The following FBN1 variants were observed in gnomAD, a reference collection of about 807,000 sequenced individuals.
FBN1 encodes fibrillin 1, also known as fibrillin-1.
Under a neutral mutation model 365.1 loss-of-function variants are expected in FBN1, and 29 were observed. The observed-to-expected ratio is 0.08, with a 90% CI of 0.06 to 0.11. The LOEUF (loss-of-function observed/expected upper bound fraction) is 0.11, where lower values mean the gene tolerates loss of function less well. FBN1 is among the 10% of genes least tolerant of loss of function. The pLI is 1.00. For synonymous variants in FBN1, 1,210 were observed against 1,270.5 expected (o/e 0.95, Z 1.01); for missense variants, 2,476 against 3,703.2 (o/e 0.67, Z 8.60).
At chr15:48,490,171 T>G in intron 24 of FBN1, 93 bp from the exon 25 acceptor site, 1 of 1,066,350 alleles carries the variant, frequency 9.4e-7, no homozygotes, top group Non-Finnish European at 1.4e-6. Context: ...ACTGCACACA[T>G]AATAATTTGC....
At chr15:48,487,514 TTGCTGGGTGTCCATCTTGACCTCC>T in intron 27 of FBN1, 77 bp from the exon 28 acceptor site, 1 of 1,578,038 alleles carries the variant, frequency 6.3e-7, no homozygotes, top group Non-Finnish European at 8.6e-7. Context: ...CCCCCACCCA[TTGCTGGGTGTCCATCTTGACCTCC>T]TTGTCTCAAG....
At chr15:48,441,970 T>C in intron 49 of FBN1, 124 bp from the exon 50 acceptor site, 1 of 1,019,688 alleles carries the variant, frequency 9.8e-7, no homozygotes, top group Non-Finnish European at 1.5e-6. Flanking sequence ...ATAAAGGTAT[T>C]TTTCTGTACC....
chr15:48,430,538 A>G, intron 56 of FBN1, 133 bp downstream of exon 56: 1 of 915,624 alleles, frequency 1.1e-6, no homozygotes, highest in South Asian at 1.4e-5. Flanking sequence ...CACCATGGAG[A>G]GTCCTGACAT....
At chr15:48,524,100 T>A (rs1166649130) in intron 9 of FBN1, among the ~76,000 whole-genome samples, 2 of 152,148 alleles carry the variant, frequency 1.3e-5, no homozygotes, top group Admixed American at 6.5e-5. Flanking sequence ...GGAAAGGACA[T>A]CTTTATGACT....
At chr15:48,480,400 G>A (rs1597558072) in intron 32 of FBN1, among the ~76,000 whole-genome samples, 1 of 152,100 alleles carries the variant, frequency 6.6e-6, no homozygotes, top group Admixed American at 6.5e-5. Context: ...TACAAAGCTA[G>A]GCACCATTTG....
chr15:48,428,560 C>T, intron 56 of FBN1, 89 bp from the exon 57 acceptor site: 2 of 1,411,912 alleles, frequency 1.4e-6, no homozygotes, highest in Non-Finnish European at 2.0e-6. Context: ...TCCTTCCTTC[C>T]TCCCTCCCTC....
intron 49 of FBN1, among the ~76,000 whole-genome samples, 162 bp downstream of exon 49, chr15:48,444,379 T>C (rs1399579342): frequency 2.0e-5 from 3 of 152,236 alleles, no homozygotes; most frequent in Non-Finnish European, 4.4e-5. Flanking sequence ...TAATTAGTGC[T>C]TCTTGTCTTG....
rs755147629 is a variant in FBN1 at position 48,410,550 on chromosome 15, C to G, written c.*440G>C. The G allele has an allele frequency of 5.7e-6, 1 of 176,530 alleles. No individual in the cohort carries two copies. Among genetic ancestry groups the G allele is most frequent in the Non-Finnish European group, 1.2e-5 (1 of 82,846 alleles). 10.9% of individuals were successfully genotyped at this position (176,530 alleles called of 1,614,324 possible). A position where few individuals can be genotyped will look rare whatever the true frequency, so the allele number is the denominator to read the frequency against. On this transcript the variant is annotated 3_prime_UTR_variant, in exon 66 of 66. Transcript: ENST00000316623. ...TACATATTACAGTGCATTTATAAAT[C>G]TAGTTTGAAAATTTACTAGCACCAA...
At chr15:48,476,907 C>G (rs116240375) in intron 32 of FBN1, 1 of 150,604 alleles carries the variant, frequency 6.6e-6, no homozygotes, top group Non-Finnish European at 1.5e-5. Context: ...GGGATTAAGG[C>G]GTGAACCACT....
At chr15:48,562,126 T>C (rs1358384607) in intron 6 of FBN1, among the ~76,000 whole-genome samples, 2 of 152,136 alleles carry the variant, frequency 1.3e-5, no homozygotes, top group Non-Finnish European at 2.9e-5. Flanking sequence ...TGGACTCCCA[T>C]CAATTAGCTC....
intron 14 of FBN1, among the ~76,000 whole-genome samples, chr15:48,509,575 T>TAC (rs1044571271): frequency 6.7e-6 from 1 of 148,408 alleles, no homozygotes; most frequent in Non-Finnish European, 1.5e-5. Flanking sequence ...ATAATATATA[T>TAC]ACACATATTA....
At chr15:48,463,869 C>T (rs747096288) in intron 41 of FBN1, 30 bp downstream of exon 41, 2 of 1,589,140 alleles carry the variant, frequency 1.3e-6, no homozygotes, top group South Asian at 2.3e-5. Flanking sequence ...GAGAACCAAA[C>T]ATGCATTACT....
chr15:48,432,528 G>A lies in FBN1; in HGVS notation c.6739+338C>T, dbSNP rs146231098. On this transcript the variant is annotated intron_variant, in intron 55 of 65. Coordinates refer to ENST00000316623, the MANE Select transcript of FBN1 (RefSeq NM_000138.5). ...ATTTATCACACTGTATTATGAGAAC[G>A]TATTTATATCTGTCTCAATCTCTTC... 3.7e-4 allele frequency among the ~76,000 whole-genome samples: 57 copies of A among 152,310 alleles called. 2 individuals carry two copies. The East Asian group carries it at 0.011, about 28-fold the overall frequency.
chr15:48,441,540 G>A (rs1413541122), intron 50 of FBN1, among the ~76,000 whole-genome samples, 181 bp downstream of exon 50: 2 of 152,168 alleles, frequency 1.3e-5, no homozygotes, highest in African/African-American at 4.8e-5. Flanking sequence ...TGATGGATGA[G>A]TTTTTAACCT....
chr15:48,536,859 C>T lies in FBN1; in HGVS notation c.736+752G>A, dbSNP rs145785691. Among the ~76,000 whole-genome samples, 7 of 152,302 alleles carry T rather than the reference C, an allele frequency of 4.6e-5. No individual in the cohort carries two copies. The East Asian group carries it at 1.4e-3, about 29-fold the overall frequency. On this transcript the variant is annotated intron_variant, in intron 7 of 65. Coordinates refer to ENST00000316623, the MANE Select transcript of FBN1 (RefSeq NM_000138.5). ...CTCAGAAAAGCATATCCTGAAGTTT[C>T]TGAAAATATTGCAACTTGCTATAAA...
At chr15:48,454,284 T>C (rs1404365780) in intron 44 of FBN1, among the ~76,000 whole-genome samples, 1 of 152,174 alleles carries the variant, frequency 6.6e-6, no homozygotes, top group Non-Finnish European at 1.5e-5. Context: ...CCTGCTCAAA[T>C]TACTACCACA....
chr15:48,484,375 A>ATTT (rs562389903), intron 30 of FBN1, among the ~76,000 whole-genome samples: 4 of 143,934 alleles, frequency 2.8e-5, no homozygotes, highest in South Asian at 2.2e-4. Flanking sequence ...ACTTTCAACA[A>ATTT]TTTTTTTTTT....
At chr15:48,567,475 G>T (rs1750657498) in intron 6 of FBN1, among the ~76,000 whole-genome samples, 1 of 151,936 alleles carries the variant, frequency 6.6e-6, no homozygotes, top group South Asian at 2.1e-4. Context: ...TGTGAGCCAG[G>T]ATTACCCTGA....
chr15:48,600,488 G>A (rs1046476180), intron 4 of FBN1, among the ~76,000 whole-genome samples: 1 of 152,188 alleles, frequency 6.6e-6, no homozygotes, highest in East Asian at 1.9e-4. Context: ...CGGATCACCT[G>A]AGGTCAGGAG....
Sources: allele counts gnomAD v4.1 joint callset (sites outside exome capture counted in the v4.1 genomes callset), GRCh38; gene constraint gnomAD v4.1.1; transcripts MANE v1.5; gene names NCBI Gene and HGNC (gene_info 2026-07-23, HGNC 2026-07-21).